IMPA2: variants seen among roughly 807,000 people sequenced by gnomAD.
IMPA2 encodes the protein IMP 2.
A neutral mutation model predicts 35.1 loss-of-function variants in IMPA2; 32 were observed. The ratio of observed to expected loss-of-function variants is 0.91; its 90% CI spans 0.69 to 1.23. The LOEUF (loss-of-function observed/expected upper bound fraction) is 1.23. Among genes scored for constraint, IMPA2 ranks in the 50% most tolerant of loss-of-function variants. The pLI is 0.00. For missense variants in IMPA2, 334 were observed against 387.6 expected (o/e 0.86, Z 1.16); for synonymous variants, 135 against 160.6 (o/e 0.84, Z 1.20).
At chr18:11,983,119 TAA>T (rs1174030004) in intron 1 of IMPA2, among the ~76,000 whole-genome samples, 2 of 151,362 alleles carry the variant, frequency 1.3e-5, no homozygotes, top group Non-Finnish European at 2.9e-5. Context: ...CCTCAGACCG[TAA>T]AGAATGAATG....
intron 5 of IMPA2, among the ~76,000 whole-genome samples, chr18:12,027,292 A>G (rs1907906585): frequency 6.6e-6 from 1 of 152,182 alleles, no homozygotes; most frequent in Admixed American, 6.5e-5. Flanking sequence ...TCCTGCCCTG[A>G]GCCAGGCTTG....
At chr18:11,998,521 C>T (rs935558490) in intron 1 of IMPA2, among the ~76,000 whole-genome samples, 4 of 152,240 alleles carry the variant, frequency 2.6e-5, no homozygotes, top group African/African-American at 9.6e-5. Flanking sequence ...TCAGTGGGAA[C>T]ATTTACAATC....
At chr18:12,015,937 A>G (rs1907565250) in intron 5 of IMPA2, among the ~76,000 whole-genome samples, 1 of 152,046 alleles carries the variant, frequency 6.6e-6, no homozygotes, top group East Asian at 1.9e-4. Flanking sequence ...TCAGGCTGCA[A>G]CTCTGCGTCC....
At chr18:11,995,818 G>A (rs931457326) in intron 1 of IMPA2, among the ~76,000 whole-genome samples, 1 of 152,206 alleles carries the variant, frequency 6.6e-6, no homozygotes, top group African/African-American at 2.4e-5. Context: ...TAGTGTTCCC[G>A]TTTGGAAAAA....
chr18:11,988,834 CTTATT>C (rs1485266188), intron 1 of IMPA2, among the ~76,000 whole-genome samples: 1 of 152,010 alleles, frequency 6.6e-6, no homozygotes, highest in Non-Finnish European at 1.5e-5. Flanking sequence ...CAGTAGATTT[CTTATT>C]TTATTTTTTT....
intron 2 of IMPA2, among the ~76,000 whole-genome samples, chr18:12,002,164 T>C (rs1907132072): frequency 6.6e-6 from 1 of 152,206 alleles, no homozygotes; most frequent in Non-Finnish European, 1.5e-5. Flanking sequence ...GAGAGAAAAT[T>C]GTATACATAT....
chr18:12,004,327 T>TA (rs1907195592), intron 2 of IMPA2, among the ~76,000 whole-genome samples: 1 of 152,126 alleles, frequency 6.6e-6, no homozygotes, highest in Non-Finnish European at 1.5e-5. Flanking sequence ...CTGTCAAAAT[T>TA]ATAAGGAGGG....
intron 7 of IMPA2, among the ~76,000 whole-genome samples, chr18:12,029,986 A>G (rs1908001363): frequency 6.6e-6 from 1 of 152,178 alleles, no homozygotes; most frequent in Admixed American, 6.5e-5. Context: ...CCCCTGGCTG[A>G]CCCCTGTGCA....
At chr18:11,995,349 G>GGAT (rs1906931113) in intron 1 of IMPA2, among the ~76,000 whole-genome samples, 1 of 152,248 alleles carries the variant, frequency 6.6e-6, no homozygotes, top group African/African-American at 2.4e-5. Flanking sequence ...CTCGGAAGTT[G>GGAT]CAGGTCTTGC....
intron 1 of IMPA2, among the ~76,000 whole-genome samples, chr18:11,982,243 G>A (rs45542031): frequency 0.071 from 10,756 of 152,214 alleles, 550 homozygotes; most frequent in East Asian, 0.14. Context: ...GCTCCGCGAC[G>A]GCCACGGACT....
In IMPA2 at chr18:11,991,154, C is replaced by T. The variant is rs1906801378; in HGVS notation, c.97-7900C>T. ...GAATGGTGGGGAGATAGGAGGAAAGCCACGAGGGGAGGCAGGGGCCACAGG... is the reference window on the plus strand; with the variant it reads ...GAATGGTGGGGAGATAGGAGGAAAGTCACGAGGGGAGGCAGGGGCCACAGG... On this transcript the variant is annotated intron_variant, in intron 1 of 7. Coordinates refer to ENST00000269159, the MANE Select transcript of IMPA2 (RefSeq NM_014214.3). This position sits in a 1 kb window ranked among gnomAD's most constrained non-coding sequence, Gnocchi z 4.1. Among the ~76,000 whole-genome samples, 1 of 152,132 alleles carries T rather than the reference C, an allele frequency of 6.6e-6. No individual in the cohort carries two copies. The highest frequency in any genetic ancestry group is 1.5e-5 in the Non-Finnish European group (1 of 68,028).
chr18:11,996,805 T>G (rs1906970002), intron 1 of IMPA2, among the ~76,000 whole-genome samples: 1 of 151,780 alleles, frequency 6.6e-6, no homozygotes. Flanking sequence ...TTAGGCTGCC[T>G]TTCTCACCCC....
chr18:12,015,960 G>A (rs531822203), intron 5 of IMPA2, among the ~76,000 whole-genome samples: 1 of 152,322 alleles, frequency 6.6e-6, no homozygotes, highest in Admixed American at 6.5e-5. Context: ...CCAGCCTGCA[G>A]GCTGCTAGCT....
chr18:12,026,876 G>A (rs1448880372), intron 5 of IMPA2, among the ~76,000 whole-genome samples: 1 of 152,232 alleles, frequency 6.6e-6, no homozygotes, highest in Non-Finnish European at 1.5e-5. Context: ...CATGGCCGGC[G>A]GTGAATGATC....
chr18:12,018,840 T>A (rs1284803807), intron 5 of IMPA2, among the ~76,000 whole-genome samples: 2 of 152,138 alleles, frequency 1.3e-5, no homozygotes, highest in African/African-American at 4.8e-5. Context: ...TATTATTATT[T>A]TTTAGAGACA....
rs118093398 is a variant in IMPA2, at chr18:12,001,321, C to T, written c.230+2134C>T. Among the ~76,000 whole-genome samples, 145 of 152,234 alleles carry T rather than the reference C, an allele frequency of 9.5e-4. No homozygotes were observed. The East Asian group carries it at 0.021, about 22-fold the overall frequency. On this transcript the variant is annotated intron_variant, in intron 2 of 7. Coordinates refer to ENST00000269159, the MANE Select transcript of IMPA2 (RefSeq NM_014214.3). ...TTTGAGAGGAAGCATGCTGCAGTAA[C>T]GAGCCGGCTGTTTCCAGGTCCTTTA... is the stretch of plus-strand genomic sequence containing the variant.
Position 12,029,114 on chromosome 18 carries a change from T to G in IMPA2, c.751+121T>G, listed in dbSNP as rs907604412. The G allele has an allele frequency of 9.0e-4, 754 of 836,238 alleles. 4 individuals carry two copies. In the African/African-American group the frequency reaches 0.01, roughly 11 times the overall value. The allele number at this position is 836,238 out of a possible 1,614,324, so 51.8% of individuals were successfully genotyped here. On this transcript the variant is annotated intron_variant, in intron 7 of 7. Coordinates refer to ENST00000269159, the MANE Select transcript of IMPA2 (RefSeq NM_014214.3). ...CACCTTCCCCAGAGTTTCTGTTTTT[T>G]TTTTTTTTTTTTTTTTTTTGAGACG...
At chr18:12,028,193 G>A in intron 6 of IMPA2, 42 bp downstream of exon 6, 1 of 1,321,870 alleles carries the variant, frequency 7.6e-7, no homozygotes, top group Non-Finnish European at 1.1e-6. Flanking sequence ...GCCCGAGGAG[G>A]AAGAACGGAA....
At chr18:11,988,285 C>T (rs983889167) in intron 1 of IMPA2, among the ~76,000 whole-genome samples, 4 of 152,126 alleles carry the variant, frequency 2.6e-5, no homozygotes, top group Non-Finnish European at 4.4e-5. Flanking sequence ...GGATTACAGG[C>T]GTGAGCCACT....
Sources: allele counts gnomAD v4.1 joint callset (sites outside exome capture counted in the v4.1 genomes callset), GRCh38; gene constraint gnomAD v4.1.1; non-coding constraint Gnocchi (gnomAD v3.1); transcripts MANE v1.5; gene names NCBI Gene and HGNC (gene_info 2026-07-23, HGNC 2026-07-21).